PDE10A: variants seen among roughly 807,000 people sequenced by gnomAD.
PDE10A encodes phosphodiesterase 10A.
A neutral mutation model predicts 97.7 loss-of-function variants in PDE10A; 39 were observed. That is an observed-to-expected ratio of 0.40 (90% CI 0.31 to 0.52). PDE10A has a LOEUF of 0.52. Among genes scored for constraint, PDE10A ranks in the 20% least tolerant of loss-of-function variants. PDE10A has a pLI of 0.56. For synonymous variants in PDE10A, 371 were observed against 376.8 expected, an observed-to-expected ratio of 0.98 and a Z score of 0.18; for missense variants, 731 against 1,047.8, an observed-to-expected ratio of 0.70 and a Z score of 4.17.
chr6:165,966,797 T>C (rs1254082311), intron 1 of PDE10A, among the ~76,000 whole-genome samples: 1 of 152,242 alleles, frequency 6.6e-6, no homozygotes, highest in Non-Finnish European at 1.5e-5. Context: ...ATTGTGGTTA[T>C]TCATGTGTTT....
chr6:165,551,916 G>T (rs1784036090), intron 1 of PDE10A, among the ~76,000 whole-genome samples: 1 of 152,158 alleles, frequency 6.6e-6, no homozygotes, highest in South Asian at 2.1e-4. Context: ...CAGTAGCAAT[G>T]ATGCCACTTA....
chr6:165,572,568 A>C (rs576518530), intron 1 of PDE10A, among the ~76,000 whole-genome samples: 1 of 152,370 alleles, frequency 6.6e-6, no homozygotes, highest in African/African-American at 2.4e-5. Context: ...AAATTGCTAA[A>C]ACTCTTTTGC....
At chr6:165,572,604 T>C (rs1168302054) in intron 1 of PDE10A, among the ~76,000 whole-genome samples, 1 of 152,242 alleles carries the variant, frequency 6.6e-6, no homozygotes, top group Non-Finnish European at 1.5e-5. Flanking sequence ...AATGTAAACA[T>C]TAAATAGTCA....
intron 1 of PDE10A, among the ~76,000 whole-genome samples, chr6:165,902,327 G>A (rs1782135776): frequency 1.3e-5 from 2 of 152,234 alleles, no homozygotes; most frequent in Non-Finnish European, 2.9e-5. Flanking sequence ...ATGCAAAAAT[G>A]AGCAAGCGGC....
At position 165,541,821 on chromosome 6, in the gene PDE10A, T is replaced by C. The variant is rs1364384592; in HGVS notation, c.994+1619A>G. 2.0e-5 allele frequency among the ~76,000 whole-genome samples: 3 copies of C among 152,028 alleles called. No homozygotes were observed. The East Asian group carries it at 5.8e-4, about 29-fold the overall frequency. Reference sequence around the variant, plus strand: ...TTTATTATTTCTCTTCTCCCCTCCCTCTCAATCCACACTTACAGGCATACA... The same window carrying C: ...TTTATTATTTCTCTTCTCCCCTCCCCCTCAATCCACACTTACAGGCATACA... On this transcript the variant is annotated intron_variant, in intron 2 of 21. Coordinates refer to ENST00000539869, the MANE Select transcript of PDE10A (RefSeq NM_001385079.1).
chr6:165,522,430 T>C (rs515012), intron 2 of PDE10A, among the ~76,000 whole-genome samples: 99,106 of 152,026 alleles, frequency 0.65, 34,768 homozygotes, highest in South Asian at 0.78. Context: ...AATCCAGCAT[T>C]ATATCACAAA....
chr6:165,846,720 T>C (rs949891814), intron 1 of PDE10A, among the ~76,000 whole-genome samples: 9 of 152,200 alleles, frequency 5.9e-5, no homozygotes, highest in African/African-American at 2.2e-4. Context: ...AAATGAACAA[T>C]TTGGAAACCA....
intron 1 of PDE10A, among the ~76,000 whole-genome samples, chr6:165,634,001 CTTTT>C (rs1225434477): frequency 6.6e-6 from 1 of 151,852 alleles, no homozygotes; most frequent in Admixed American, 6.6e-5. Flanking sequence ...AAAAACAATT[CTTTT>C]TTTTCCAAAG....
At chr6:165,403,092 T>C (rs557848327) in intron 13 of PDE10A, among the ~76,000 whole-genome samples, 2 of 152,168 alleles carry the variant, frequency 1.3e-5, no homozygotes, top group Non-Finnish European at 2.9e-5. Flanking sequence ...CTAAGGACAC[T>C]GTAGTACTTA....
chr6:165,720,934 G>A (rs1792153374), intron 1 of PDE10A, among the ~76,000 whole-genome samples: 1 of 152,218 alleles, frequency 6.6e-6, no homozygotes, highest in African/African-American at 2.4e-5. Flanking sequence ...GCCCAAGAGG[G>A]AGTCTGCAAT....
chr6:165,738,799 C>T (rs1408325161), intron 1 of PDE10A, among the ~76,000 whole-genome samples: 1 of 152,166 alleles, frequency 6.6e-6, no homozygotes, highest in South Asian at 2.1e-4. Flanking sequence ...TTTTTGGCTG[C>T]GTAAATGTCT....
At chr6:165,437,138 C>G (rs1464834669) in intron 5 of PDE10A, among the ~76,000 whole-genome samples, 1 of 152,092 alleles carries the variant, frequency 6.6e-6, no homozygotes, top group Non-Finnish European at 1.5e-5. Flanking sequence ...AACTCTGGAG[C>G]AAGCTTCCAA....
chr6:165,985,620 A>C (rs1785168262), intron 1 of PDE10A, among the ~76,000 whole-genome samples: 1 of 152,206 alleles, frequency 6.6e-6, no homozygotes, highest in South Asian at 2.1e-4. Context: ...TGGAAGAAGT[A>C]AACGTCCCTC....
chr6:165,472,402 A>G (rs548247814), intron 3 of PDE10A, among the ~76,000 whole-genome samples: 2 of 152,138 alleles, frequency 1.3e-5, no homozygotes, highest in South Asian at 2.1e-4. Context: ...TATTTTATGG[A>G]ATTGATCTAT....
intron 1 of PDE10A, among the ~76,000 whole-genome samples, chr6:165,549,403 C>G (rs1271862827): frequency 6.6e-6 from 1 of 152,196 alleles, no homozygotes; most frequent in African/African-American, 2.4e-5. Context: ...CGGCTCACTG[C>G]AAGCTCCGCC....
intron 2 of PDE10A, among the ~76,000 whole-genome samples, chr6:165,486,596 T>C (rs1466605161): frequency 6.6e-6 from 1 of 152,192 alleles, no homozygotes; most frequent in Non-Finnish European, 1.5e-5. Flanking sequence ...CTCACGTCTG[T>C]TCGCACAGCT....
intron 1 of PDE10A, among the ~76,000 whole-genome samples, chr6:165,591,675 T>C (rs1786277164): frequency 6.6e-6 from 1 of 152,226 alleles, no homozygotes; most frequent in South Asian, 2.1e-4. Context: ...TCAAAACATG[T>C]GTGTTGTTTT....
intron 1 of PDE10A, among the ~76,000 whole-genome samples, chr6:165,547,000 A>G (rs182662586): frequency 1.4e-3 from 217 of 152,190 alleles, no homozygotes; most frequent in African/African-American, 4.8e-3. Context: ...AATAAAAGGA[A>G]CCAAGACTCC....
At position 165,538,274 on chromosome 6, in the gene PDE10A, GA is replaced by G. The variant is rs551123243; in HGVS notation, c.994+5165del. On this transcript the variant is annotated intron_variant, in intron 2 of 21. Coordinates refer to ENST00000539869, the MANE Select transcript of PDE10A (RefSeq NM_001385079.1). The stretch of plus-strand genomic sequence containing the variant: ...AAAAAGAAAACTTCAATTATTTGTT[GA>G]AAAAAATTTAAGGTATCAGGCAGCA... Among the ~76,000 whole-genome samples the G allele has an allele frequency of 9.1e-4, 138 of 152,004 alleles. 2 individuals carry two copies. The highest frequency in any genetic ancestry group is 1.6e-3 in the Non-Finnish European group (111 of 67,900).
Sources: allele counts gnomAD v4.1 joint callset (sites outside exome capture counted in the v4.1 genomes callset), GRCh38; gene constraint gnomAD v4.1.1; transcripts MANE v1.5; gene names NCBI Gene and HGNC (gene_info 2026-07-23, HGNC 2026-07-21).